The following TRRAP variants were observed in gnomAD, a reference collection of about 807,000 sequenced individuals.
TRRAP encodes the protein transformation/transcription domain-associated protein.
In TRRAP, 41 loss-of-function variants were observed where a neutral mutation model predicts 438.8. The observed-to-expected ratio is 0.09, with a 90% CI of 0.07 to 0.12. The LOEUF is 0.12. Ranked by LOEUF, TRRAP falls within the 10% of genes least tolerant of loss-of-function variation. TRRAP has a pLI of 1.00. For missense variants in TRRAP, 3,122 were observed against 5,055.1 expected (o/e 0.62, Z 11.60); for synonymous variants, 1,994 against 1,962.9 (o/e 1.02, Z -0.42).
intron 46 of TRRAP, among the ~76,000 whole-genome samples, chr7:98,961,692 G>C (rs1213467842): frequency 2.0e-5 from 3 of 152,210 alleles, no homozygotes; most frequent in Non-Finnish European, 4.4e-5. Flanking sequence ...GGCCGAGGCG[G>C]GCGGATCACC....
At chr7:98,905,094 C>T (rs1426406276) in intron 12 of TRRAP, among the ~76,000 whole-genome samples, 1 of 152,176 alleles carries the variant, frequency 6.6e-6, no homozygotes, top group Non-Finnish European at 1.5e-5. Flanking sequence ...TCACTCCTCC[C>T]TCTGCTGGAG....
intron 8 of TRRAP, among the ~76,000 whole-genome samples, chr7:98,898,127 G>A (rs1796304927): frequency 6.6e-6 from 1 of 152,066 alleles, no homozygotes; most frequent in South Asian, 2.1e-4. Context: ...CCAGGTGTGG[G>A]GTGTCTGTTC....
At chr7:98,920,637 T>C (rs1412764716) in intron 20 of TRRAP, among the ~76,000 whole-genome samples, 2 of 152,250 alleles carry the variant, frequency 1.3e-5, no homozygotes, top group Non-Finnish European at 2.9e-5. Flanking sequence ...TTCTTTTCCA[T>C]AGTCCTGTAA....
At chr7:98,970,012 G>T in intron 51 of TRRAP, 100 bp from the exon 52 acceptor site, 9 of 1,438,910 alleles carry the variant, frequency 6.3e-6, no homozygotes, top group Non-Finnish European at 8.6e-6. Flanking sequence ...GACCTGCAGA[G>T]TCAGAGGTGC....
At chr7:98,911,415 A>G (rs1789262057) in intron 17 of TRRAP, 144 bp downstream of exon 17, 2 of 816,886 alleles carry the variant, frequency 2.4e-6, no homozygotes, top group Non-Finnish European at 3.7e-6. Flanking sequence ...ATATTAGGCC[A>G]TAATGTCTTG....
Position 98,915,775 on chromosome 7 carries a change from A to G in TRRAP, c.2252A>G (p.Lys751Arg). 6.2e-7 allele frequency: 1 copy of G among 1,614,164 alleles called. No individual in the cohort carries two copies. The highest frequency in any genetic ancestry group is 8.5e-7 in the Non-Finnish European group (1 of 1,180,032). Reference sequence around the variant, plus strand: ...TCTATGGAGCTCGCGCAGACTGCCAAGGAACCCTACAACTACTTCTTGCTG... The same window carrying G: ...TCTATGGAGCTCGCGCAGACTGCCAGGGAACCCTACAACTACTTCTTGCTG... Reference protein sequence around the residue: ...NSSMELAQTAKEPYNYFLLLR... With the variant: ...NSSMELAQTAREPYNYFLLLR... The change falls in exon 19 of 73, where the codon AAG becomes AGG. Residue 751 changes from lysine to arginine, a missense_variant. Around this residue, in one of 24 missense-constraint regions of TRRAP, gnomAD observed 149 missense variants for 302.8 expected, o/e 0.49. Transcript: ENST00000456197.
chr7:99,011,306 CTGAAGT>C lies in TRRAP; in HGVS notation c.11143-33_11143-28del. 6.2e-7 allele frequency: 1 copy of C among 1,612,634 alleles called. No individual in the cohort carries two copies. On this transcript the variant is annotated intron_variant, in intron 71 of 72. Transcript: ENST00000456197. The surrounding 1 kb of genome is among the most constrained non-coding windows in gnomAD (Gnocchi z 7.1). ...CTCTCCTCGTGACATCGCCTTTCTG[CTGAAGT>C]TCCTAAAGTGTCTCCTTCTGAAATT...
At chr7:98,966,820 T>C (rs532300440) in intron 49 of TRRAP, among the ~76,000 whole-genome samples, 1 of 152,370 alleles carries the variant, frequency 6.6e-6, no homozygotes, top group African/African-American at 2.4e-5. Context: ...CTGATTTGTT[T>C]TATAATTTAC....
intron 5 of TRRAP, among the ~76,000 whole-genome samples, chr7:98,892,801 G>A (rs528104270): frequency 1.3e-5 from 2 of 152,328 alleles, no homozygotes; most frequent in African/African-American, 4.8e-5. Context: ...GTGCGGGCCC[G>A]CAGACGCCCA....
intron 18 of TRRAP, among the ~76,000 whole-genome samples, chr7:98,912,577 A>G (rs1789322212): frequency 6.6e-6 from 1 of 152,088 alleles, no homozygotes; most frequent in Non-Finnish European, 1.5e-5. Flanking sequence ...CAGAACTCTT[A>G]CGGTAAGCAA....
At chr7:98,971,749 T>G in intron 52 of TRRAP, 50 bp from the exon 53 acceptor site, 1 of 1,577,786 alleles carries the variant, frequency 6.3e-7, no homozygotes, top group Non-Finnish European at 8.6e-7. Context: ...TTTGTTGGGT[T>G]TTCTTGAAGC....
chr7:98,949,648 C>T lies in TRRAP; in HGVS notation c.4954-12C>T, dbSNP rs1554417722. 3.1e-6 allele frequency: 5 copies of T among 1,609,440 alleles called. No individual in the cohort carries two copies. The highest frequency in any genetic ancestry group is 4.2e-6 in the Non-Finnish European group (5 of 1,177,942). ...TCGAGACACGGTTCCCTAATTATCT[C>T]TTCTTTGACAGATCATAAGCATTAT... On this transcript the variant is annotated splice_polypyrimidine_tract_variant and intron_variant, in intron 36 of 72. Coordinates refer to ENST00000456197, the MANE Select transcript of TRRAP (RefSeq NM_001375524.1).
chr7:98,892,756 A>G (rs551721186), intron 5 of TRRAP, among the ~76,000 whole-genome samples: 1 of 152,328 alleles, frequency 6.6e-6, no homozygotes, highest in South Asian at 2.1e-4. Flanking sequence ...CAGACATAGT[A>G]GGTACCTTTG....
At chr7:98,991,335 G>C (rs1219150388) in intron 64 of TRRAP, among the ~76,000 whole-genome samples, 1 of 152,202 alleles carries the variant, frequency 6.6e-6, no homozygotes, top group Non-Finnish European at 1.5e-5. Flanking sequence ...AAGGAGCTGG[G>C]CCCGCGCGTT....
intron 62 of TRRAP, among the ~76,000 whole-genome samples, chr7:98,987,051 G>A (rs1044216807): frequency 6.6e-6 from 1 of 152,176 alleles, no homozygotes; most frequent in African/African-American, 2.4e-5. Flanking sequence ...TTGGGAGGCT[G>A]AGGTGGGAGG....
chr7:99,002,405 G>A (rs1004319920), intron 67 of TRRAP, among the ~76,000 whole-genome samples: 1 of 152,184 alleles, frequency 6.6e-6, no homozygotes, highest in Admixed American at 6.5e-5. Context: ...GGAGGAAGAG[G>A]GTTAGGAGTA....
Position 98,976,059 on chromosome 7 carries a change from A to C in TRRAP, c.7840-90A>C. 1 of 1,504,730 alleles carries C rather than the reference A, an allele frequency of 6.6e-7. No homozygotes were observed. The allele number at this position is 1,504,730 out of a possible 1,614,324, so 93.2% of individuals were successfully genotyped here. On this transcript the variant is annotated intron_variant, in intron 53 of 72. Transcript: ENST00000456197. This position sits in a 1 kb window ranked among gnomAD's most constrained non-coding sequence, Gnocchi z 4.6. Reference sequence around the variant, plus strand: ...GAAAGTGGAGGAGCATCGGTAATGTATGAGACAGATCATGGGTGTCTTCTG... The same window carrying C: ...GAAAGTGGAGGAGCATCGGTAATGTCTGAGACAGATCATGGGTGTCTTCTG...
rs201080721 is a variant in TRRAP, at chr7:98,991,395, G to C, written c.9757-742G>C. Among the ~76,000 whole-genome samples the C allele has an allele frequency of 1.2e-4, 19 of 152,342 alleles. No homozygotes were observed. The East Asian group carries it at 3.7e-3, about 29-fold the overall frequency. ...TTCCTGCACGCAGCACCTGTGCTAT[G>C]TGGGCCCTGAGCGATGCCCTGGTTT... On this transcript the variant is annotated intron_variant, in intron 64 of 72. Coordinates refer to ENST00000456197, the MANE Select transcript of TRRAP (RefSeq NM_001375524.1).
chr7:98,910,208 C>T lies in TRRAP; in HGVS notation c.1503C>T (p.Ala501=), dbSNP rs201213474. Residue 501 remains alanine, a synonymous_variant, in exon 15 of 73, where the codon GCC becomes GCT. Coordinates refer to ENST00000456197, the MANE Select transcript of TRRAP (RefSeq NM_001375524.1). ...CTCCTGGCCCTGCTCCCTCCCCAGC[C>T]CCTGTCCCTGCCCCACCTCCACCCC... is the stretch of plus-strand genomic sequence containing the variant. The part of the protein sequence containing the change: ...PAAPGPAPSP[A]PVPAPPPPPP... The T allele has an allele frequency of 1.2e-4, 189 of 1,581,500 alleles. No individual in the cohort carries two copies. The East Asian group carries it at 3.9e-3, about 32-fold the overall frequency.
Sources: gnomAD v4.1 joint callset for allele counts (sites outside exome capture counted in the v4.1 genomes callset) on GRCh38, gnomAD v4.1.1 for gene constraint, gnomAD v4.1.1 regional missense constraint, Gnocchi (gnomAD v3.1) non-coding constraint, MANE v1.5 for transcripts, NCBI Gene and HGNC (gene_info 2026-07-23, HGNC 2026-07-21) for gene names.